GRIPAP1: variants seen among roughly 807,000 people sequenced by gnomAD.
The protein encoded by GRIPAP1 is GRIP1 associated protein 1, also known as GRIP1-associated protein 1.
GRIPAP1 carries 14 observed loss-of-function variants against 84.1 expected under a neutral mutation model. The observed-to-expected ratio is 0.17, with a 90% CI of 0.11 to 0.26. The LOEUF is 0.26. Among genes scored for constraint, GRIPAP1 ranks in the 10% least tolerant of loss-of-function variants. GRIPAP1 has a pLI of 1.00. For synonymous variants in GRIPAP1, 261 were observed against 256.8 expected (o/e 1.02, Z -0.15); for missense variants, 518 against 674.2 (o/e 0.77, Z 2.57).
At chrX:48,998,366 G>A (rs782324391) in intron 3 of GRIPAP1, among the ~76,000 whole-genome samples, 186 bp from the exon 4 acceptor site, 6 of 112,544 alleles carry the variant, frequency 5.3e-5, no homozygotes, top group Non-Finnish European at 7.5e-5. Context: ...GAATGAGTGT[G>A]TGAGTGAGTG....
chrX:48,983,099 T>C lies in GRIPAP1; in HGVS notation c.1486-7A>G. The C allele has an allele frequency of 8.6e-7, 1 of 1,166,120 alleles. No individual in the cohort carries two copies. Among genetic ancestry groups the C allele is most frequent in the Non-Finnish European group, 1.2e-6 (1 of 853,525 alleles). On this transcript the variant is annotated splice_region_variant and splice_polypyrimidine_tract_variant and intron_variant, in intron 16 of 25. Coordinates refer to ENST00000376423, the MANE Select transcript of GRIPAP1 (RefSeq NM_020137.5). The stretch of plus-strand genomic sequence containing the variant: ...CCAGCTCCCGTGTCCGGGCCTGGGA[T>C]GGGGCAGACTGTCATGGGCCAGGAA...
At chrX:48,975,560 CAG>C (rs1189966233) in intron 24 of GRIPAP1, 2 of 367,577 alleles carry the variant, frequency 5.4e-6, no homozygotes, top group Admixed American at 5.1e-5. Context: ...ACAGAGCACA[CAG>C]AAAGTCCTCA....
At chrX:48,980,699 C>G in intron 21 of GRIPAP1, 1 of 116,827 alleles carries the variant, frequency 8.6e-6, no homozygotes, top group Non-Finnish European at 1.8e-5. Context: ...GCCTGACCAA[C>G]ATGGAGAAAC....
intron 21 of GRIPAP1, chrX:48,980,884 A>AG: frequency 2.2e-4 from 1 of 4,541 alleles, no homozygotes; most frequent in African/African-American, 2.3e-4. Flanking sequence ...ACTCTGTCTC[A>AG]AAAAAAAAAA....
intron 13 of GRIPAP1, among the ~76,000 whole-genome samples, chrX:48,987,142 C>G (rs2064493607): frequency 1.0e-5 from 1 of 100,003 alleles, no homozygotes; most frequent in South Asian, 4.5e-4. Context: ...GCCACCATGC[C>G]CGGCTTTTTT....
chrX:48,985,249 C>T lies in GRIPAP1; in HGVS notation c.1176+19G>A. 1 of 1,201,022 alleles carries T rather than the reference C, an allele frequency of 8.3e-7. No homozygotes were observed. The highest frequency in any genetic ancestry group is 1.1e-6 in the Non-Finnish European group (1 of 886,592). ...TACTAGGGAACTAGGAAGAGACAGGCCAGAGCCAAAGGTGTTACCTGGAGC... is the reference window on the plus strand; with the variant it reads ...TACTAGGGAACTAGGAAGAGACAGGTCAGAGCCAAAGGTGTTACCTGGAGC... On this transcript the variant is annotated intron_variant, in intron 14 of 25. Coordinates refer to ENST00000376423, the MANE Select transcript of GRIPAP1 (RefSeq NM_020137.5).
At chrX:48,975,428 C>A in intron 24 of GRIPAP1, 119 bp from the exon 25 acceptor site, 1 of 678,461 alleles carries the variant, frequency 1.5e-6, no homozygotes. Context: ...AAAGCCATGT[C>A]ATGTAGGACA....
Position 48,997,306 on chromosome X carries a change from T to G in GRIPAP1, c.250A>C (p.Ser84Arg), listed in dbSNP as rs1557067033. The change falls in exon 5 of 26, where the codon AGC (serine) becomes CGC (arginine). Residue 84 changes from serine (S) to arginine (R), a missense_variant. Physicochemically the swap from Ser to Arg is moderately radical, Grantham distance 110 (BLOSUM62 -1). This residue lies in a region of GRIPAP1 where 372 missense variants were observed against 458.1 expected (regional missense o/e 0.81). Coordinates refer to ENST00000376423, the MANE Select transcript of GRIPAP1 (RefSeq NM_020137.5). ...ENEMLQAKLH[S>R]QEEDFRLQNS... ...TGCAAACGGAAGTCCTCCTCCTGGC[T>G]GTGCAGCTTTGCCTGCAGCATCTCA... 1 of 1,187,272 alleles carries G rather than the reference T, an allele frequency of 8.4e-7. No homozygotes were observed. The highest frequency in any genetic ancestry group is 3.0e-5 in the East Asian group (1 of 33,542).
intron 7 of GRIPAP1, 80 bp downstream of exon 7, chrX:48,990,846 C>T: frequency 2.0e-6 from 2 of 1,019,939 alleles, no homozygotes; most frequent in Non-Finnish European, 1.4e-6. Flanking sequence ...GATGTCACAG[C>T]CATCTCCGTG....
chrX:48,987,143 C>T (rs1414319319), intron 13 of GRIPAP1, among the ~76,000 whole-genome samples: 2 of 96,479 alleles, frequency 2.1e-5, no homozygotes, highest in South Asian at 4.7e-4. Context: ...CCACCATGCC[C>T]GGCTTTTTTT....
At chrX:48,988,449 G>A (rs922022814) in intron 11 of GRIPAP1, 1 of 382,768 alleles carries the variant, frequency 2.6e-6, no homozygotes, top group Non-Finnish European at 4.6e-6. Context: ...TAGCTGCTAC[G>A]CGGTTCAAAC....
chrX:48,978,886 C>A (rs1286157321), intron 21 of GRIPAP1, among the ~76,000 whole-genome samples: 1 of 100,280 alleles, frequency 1.0e-5, no homozygotes, highest in Admixed American at 1.1e-4. Flanking sequence ...CAGAGTGAGA[C>A]TCTTGTCTCA....
intron 14 of GRIPAP1, among the ~76,000 whole-genome samples, chrX:48,984,621 A>G (rs1369817466): frequency 9.6e-6 from 1 of 103,723 alleles, no homozygotes; most frequent in Non-Finnish European, 2.0e-5. Context: ...AGGCTGAGGC[A>G]GGAGAATCGC....
In GRIPAP1 at chrX:48,989,875, G is replaced by A; in HGVS notation, c.730C>T (p.Arg244Cys). 3.3e-6 allele frequency: 4 copies of A among 1,209,250 alleles called. No homozygotes were observed. The highest frequency in any genetic ancestry group is 1.7e-5 in the African/African-American group (1 of 57,603). Residue 244 changes from arginine to cysteine, a missense_variant, in exon 10 of 26, where the codon CGT becomes TGT. This residue lies in a region of GRIPAP1 where 372 missense variants were observed against 458.1 expected (regional missense o/e 0.81). Transcript: ENST00000376423. Reference sequence around the variant, plus strand: ...AGAGTCTCCTTTTCTGTCTGCAGACGGCAAAAACTGGGCACAGAAGGACAG... The same window carrying A: ...AGAGTCTCCTTTTCTGTCTGCAGACAGCAAAAACTGGGCACAGAAGGACAG... The part of the protein sequence containing the change: ...KLKKKQESFC[R>C]LQTEKETLFN...
Position 48,983,066 on chromosome X carries a change from G to A in GRIPAP1, c.1512C>T (p.Leu504=), listed in dbSNP as rs7052213. The change falls in exon 17 of 26, where the codon CTC becomes CTT. Residue 504 remains leucine, a synonymous_variant. Coordinates refer to ENST00000376423, the MANE Select transcript of GRIPAP1 (RefSeq NM_020137.5). The part of the protein sequence containing the change: ...EKARTRELET[L]QQTVEELQAQ... ...CTTGAAGTTCTTCCACTGTCTGCTG[G>A]AGAGTCTCCAGCTCCCGTGTCCGGG... The A allele has an allele frequency of 9.9e-3, 11,961 of 1,204,357 alleles. 782 individuals carry two copies. In the African/African-American group the frequency reaches 0.18, roughly 18 times the overall value.
At chrX:48,980,225 TTG>T (rs781796368) in intron 21 of GRIPAP1, among the ~76,000 whole-genome samples, 7,543 of 90,384 alleles carry the variant, frequency 0.083, 405 homozygotes, top group East Asian at 0.25. Context: ...GCAACTAAAG[TTG>T]TGTGTGTGTG....
rs781797606 is a variant in GRIPAP1, at chrX:48,999,513, G to A, written c.43-9C>T. On this transcript the variant is annotated splice_polypyrimidine_tract_variant and intron_variant, in intron 1 of 25. Coordinates refer to ENST00000376423, the MANE Select transcript of GRIPAP1 (RefSeq NM_020137.5). ...AGTTCCAGGAGCTGAGCCTTTGGGG[G>A]AGGCAGGAAGGGAAAAGACTTGGTC... 10 of 1,183,812 alleles carry A rather than the reference G, an allele frequency of 8.4e-6. No homozygotes were observed. In the South Asian group the frequency reaches 1.8e-4, roughly 21 times the overall value.
At chrX:48,984,811 A>G (rs1361353455) in intron 14 of GRIPAP1, among the ~76,000 whole-genome samples, 10 of 106,166 alleles carry the variant, frequency 9.4e-5, no homozygotes, top group African/African-American at 3.1e-4. Context: ...TCACGAGGTC[A>G]GGAGATCGAA....
At chrX:48,990,840 T>A (rs1557065250) in intron 7 of GRIPAP1, 86 bp downstream of exon 7, 1 of 1,010,708 alleles carries the variant, frequency 9.9e-7, no homozygotes, top group African/African-American at 1.9e-5. Context: ...GATGGTGATG[T>A]CACAGCCATC....
Sources: gnomAD v4.1 joint callset for allele counts (sites outside exome capture counted in the v4.1 genomes callset) on GRCh38, gnomAD v4.1.1 for gene constraint, gnomAD v4.1.1 regional missense constraint, MANE v1.5 for transcripts, NCBI Gene and HGNC (gene_info 2026-07-23, HGNC 2026-07-21) for gene names.